LTBP1: variants seen among roughly 807,000 people sequenced by gnomAD.
LTBP1 encodes latent transforming growth factor beta binding protein 1.
In LTBP1, 129 loss-of-function variants were observed where a neutral mutation model predicts 207.6. The observed-to-expected ratio is 0.62, with a 90% confidence interval of 0.54 to 0.72. LTBP1 has a LOEUF of 0.72. Among genes scored for constraint, LTBP1 ranks in the 30% least tolerant of loss-of-function variants. The probability of loss-of-function intolerance (pLI) is 0.00; values close to 1 mark genes in which losing one functional copy is unlikely to be tolerated. For synonymous variants in LTBP1, 963 were observed against 833.7 expected (o/e 1.16, Z -2.67); for missense variants, 2,281 against 2,217.2 (o/e 1.03, Z -0.58).
In LTBP1 at chr2:33,073,575, T is replaced by C. The variant is rs577217397; in HGVS notation, c.864-37007T>C. ...TTTAACTGGTTTTGAAGTTTGGAAATAATTAAATTTTATTCAGTCTCCAAA... is the reference window on the plus strand; with the variant it reads ...TTTAACTGGTTTTGAAGTTTGGAAACAATTAAATTTTATTCAGTCTCCAAA... On this transcript the variant is annotated intron_variant, in intron 3 of 33. Coordinates refer to ENST00000404816, the MANE Select transcript of LTBP1 (RefSeq NM_206943.4). 1.6e-4 allele frequency among the ~76,000 whole-genome samples: 24 copies of C among 152,320 alleles called. 1 individual carries two copies. The East Asian group carries it at 4.4e-3, about 28-fold the overall frequency.
At chr2:33,170,422 C>G (rs2085321290) in intron 5 of LTBP1, among the ~76,000 whole-genome samples, 1 of 152,166 alleles carries the variant, frequency 6.6e-6, no homozygotes, top group Admixed American at 6.5e-5. Context: ...AGTCTGAGAT[C>G]AAACTGCAAG....
chr2:33,195,279 A>G (rs1310173222), intron 7 of LTBP1, among the ~76,000 whole-genome samples: 5 of 152,218 alleles, frequency 3.3e-5, no homozygotes, highest in African/African-American at 1.2e-4. Flanking sequence ...GATTCCTCTG[A>G]TGGATCTGGG....
chr2:33,222,141 CT>C lies in LTBP1; in HGVS notation c.1870del (p.Cys624AlafsTer19). On this transcript the variant is annotated frameshift_variant, in exon 9 of 34. Coordinates refer to ENST00000404816, the MANE Select transcript of LTBP1 (RefSeq NM_206943.4). LOFTEE classifies it high-confidence loss of function. The part of the protein sequence containing the change: ...LPGYKRVNNT[F>X]CQDINECQLQ... The stretch of plus-strand genomic sequence containing the variant: ...CGGGTTATAAGCGGGTTAACAACAC[CT>C]TTTGCCAAGGTAAGACTAACTGAAT... 6.2e-7 allele frequency: 1 copy of C among 1,609,412 alleles called. No individual in the cohort carries two copies. The highest frequency in any genetic ancestry group is 8.5e-7 in the Non-Finnish European group (1 of 1,175,708).
Position 33,185,163 on chromosome 2 carries a change from A to G in LTBP1, c.1202-1693A>G, listed in dbSNP as rs540242198. The stretch of plus-strand genomic sequence containing the variant: ...TGAGGAACTGAATTAAGTTCCATGT[A>G]GCTGTATTGTAGAGAATGAGGTAAG... On this transcript the variant is annotated intron_variant, in intron 5 of 33. Transcript: ENST00000404816. Among the ~76,000 whole-genome samples, 4 of 152,318 alleles carry G rather than the reference A, an allele frequency of 2.6e-5. No homozygotes were observed. The East Asian group carries it at 7.7e-4, about 29-fold the overall frequency.
chr2:33,330,814 C>CAAAA (rs756837289), intron 24 of LTBP1, among the ~76,000 whole-genome samples: 14 of 96,726 alleles, frequency 1.4e-4, no homozygotes, highest in African/African-American at 4.7e-4. Context: ...ATCATGGTCT[C>CAAAA]AAAAAAAAAA....
At chr2:33,039,561 CA>C (rs540709635) in intron 3 of LTBP1, among the ~76,000 whole-genome samples, 17 of 152,144 alleles carry the variant, frequency 1.1e-4, no homozygotes, top group Non-Finnish European at 2.2e-4. Context: ...ATCGAGACAC[CA>C]AGTAAAATAT....
At chr2:33,039,572 T>C (rs1242720328) in intron 3 of LTBP1, among the ~76,000 whole-genome samples, 4 of 152,226 alleles carry the variant, frequency 2.6e-5, no homozygotes, top group East Asian at 1.9e-4. Context: ...AAGTAAAATA[T>C]CTTTTGTAAC....
rs543444378 is a variant in LTBP1, at chr2:33,354,475, G to T, written c.4001-6122G>T. On this transcript the variant is annotated intron_variant, in intron 26 of 33. Coordinates refer to ENST00000404816, the MANE Select transcript of LTBP1 (RefSeq NM_206943.4). ...AAGGCTGAGGAAAATACGTTCATTTGTTTAAAAAAAAAATATCTAGTCAAG... is the reference window on the plus strand; with the variant it reads ...AAGGCTGAGGAAAATACGTTCATTTTTTTAAAAAAAAAATATCTAGTCAAG... Among the ~76,000 whole-genome samples, 10 of 151,790 alleles carry T rather than the reference G, an allele frequency of 6.6e-5. No individual in the cohort carries two copies. The South Asian group carries it at 1.9e-3, about 28-fold the overall frequency.
At chr2:32,989,762 C>T (rs219150) in intron 2 of LTBP1, among the ~76,000 whole-genome samples, 33,801 of 152,080 alleles carry the variant, frequency 0.22, 4,629 homozygotes, top group Non-Finnish European at 0.31. Flanking sequence ...GTCAAGGGAG[C>T]GAACTTGGGT....
chr2:33,176,510 C>G (rs2086073893), intron 5 of LTBP1, among the ~76,000 whole-genome samples: 1 of 151,466 alleles, frequency 6.6e-6, no homozygotes, highest in Non-Finnish European at 1.5e-5. Flanking sequence ...CAGTCGTGAG[C>G]CACCATGCCT....
intron 2 of LTBP1, among the ~76,000 whole-genome samples, chr2:33,016,212 A>C (rs1049406845): frequency 1.3e-5 from 2 of 152,038 alleles, no homozygotes; most frequent in Admixed American, 6.5e-5. Flanking sequence ...GGAATCCCAG[A>C]GGTTGGGTGA....
At chr2:32,977,508 G>A (rs927942614) in intron 2 of LTBP1, among the ~76,000 whole-genome samples, 1 of 152,184 alleles carries the variant, frequency 6.6e-6, no homozygotes, top group African/African-American at 2.4e-5. Flanking sequence ...CTCTACTGGG[G>A]TTATGTCACT....
intron 3 of LTBP1, among the ~76,000 whole-genome samples, chr2:33,098,864 T>A (rs1325492182): frequency 6.6e-6 from 1 of 152,184 alleles, no homozygotes; most frequent in Admixed American, 6.5e-5. Context: ...CTGGTATATA[T>A]GGGAACTGTA....
intron 5 of LTBP1, among the ~76,000 whole-genome samples, chr2:33,173,598 C>G (rs1453327250): frequency 6.8e-6 from 1 of 147,450 alleles, no homozygotes; most frequent in Non-Finnish European, 1.5e-5. Flanking sequence ...TGGTACCATT[C>G]CTTCTGAAAC....
chr2:33,175,064 A>G (rs1320441086), intron 5 of LTBP1, among the ~76,000 whole-genome samples: 5 of 152,084 alleles, frequency 3.3e-5, no homozygotes, highest in Non-Finnish European at 5.9e-5. Flanking sequence ...CTAGAAGAAA[A>G]CCTAGGCATT....
intron 3 of LTBP1, among the ~76,000 whole-genome samples, chr2:33,053,383 C>T (rs1439955199): frequency 6.6e-6 from 1 of 152,140 alleles, no homozygotes; most frequent in Non-Finnish European, 1.5e-5. Flanking sequence ...TAGGGTTCAC[C>T]CTTGGTTTTG....
chr2:33,309,686 A>G, intron 23 of LTBP1, 130 bp downstream of exon 23: 1 of 1,090,796 alleles, frequency 9.2e-7, no homozygotes, highest in Non-Finnish European at 1.3e-6. Context: ...TTTGATATTA[A>G]AATAGCTGTC....
At chr2:33,057,327 C>T (rs1226824415) in intron 3 of LTBP1, among the ~76,000 whole-genome samples, 1 of 152,208 alleles carries the variant, frequency 6.6e-6, no homozygotes, top group Admixed American at 6.5e-5. Context: ...AAAGGTTCTC[C>T]AAGTCCCCAC....
At chr2:33,009,178 G>T (rs1687333543) in intron 2 of LTBP1, among the ~76,000 whole-genome samples, 2 of 152,260 alleles carry the variant, frequency 1.3e-5, no homozygotes, top group South Asian at 4.1e-4. Flanking sequence ...CTGGGAGAAG[G>T]GTTTGCGGGG....
Sources: gnomAD v4.1 joint callset for allele counts (sites outside exome capture counted in the v4.1 genomes callset) on GRCh38, gnomAD v4.1.1 for gene constraint, MANE v1.5 for transcripts, NCBI Gene and HGNC (gene_info 2026-07-23, HGNC 2026-07-21) for gene names.